The following RTF2 variants were observed in gnomAD, a reference collection of about 807,000 sequenced individuals.
The protein encoded by RTF2 is replication termination factor 2.
In RTF2, 18 loss-of-function variants were observed where a neutral mutation model predicts 38.0. That is an observed-to-expected ratio of 0.47 (90% CI 0.33 to 0.70). RTF2 has a LOEUF of 0.70. Ranked by LOEUF, RTF2 falls within the 30% of genes least tolerant of loss-of-function variation. The pLI is 0.02. For synonymous variants in RTF2, 126 were observed against 137.1 expected (o/e 0.92, Z 0.57); for missense variants, 311 against 379.6 (o/e 0.82, Z 1.50).
chr20:56,500,907 C>T (rs1244911942), intron 5 of RTF2, among the ~76,000 whole-genome samples: 1 of 152,108 alleles, frequency 6.6e-6, no homozygotes, highest in African/African-American at 2.4e-5. Context: ...TCAGCCTCCC[C>T]AGCAGCTGGG....
At chr20:56,488,177 A>G (rs1982892267) in intron 5 of RTF2, among the ~76,000 whole-genome samples, 1 of 152,180 alleles carries the variant, frequency 6.6e-6, no homozygotes, top group Admixed American at 6.5e-5. Flanking sequence ...CCTGGCCAAC[A>G]TAATGAAACC....
intron 5 of RTF2, chr20:56,491,578 G>A: frequency 6.5e-7 from 1 of 1,549,914 alleles, no homozygotes; most frequent in Non-Finnish European, 8.7e-7. Flanking sequence ...GTCTCATATT[G>A]AAATGACTCT....
chr20:56,500,140 C>T (rs1235060276), intron 5 of RTF2, among the ~76,000 whole-genome samples: 1 of 151,300 alleles, frequency 6.6e-6, no homozygotes, highest in Non-Finnish European at 1.5e-5. Flanking sequence ...CTGCAACCTC[C>T]ACCTCCTGGG....
At chr20:56,483,070 G>A (rs777863830) in intron 4 of RTF2, among the ~76,000 whole-genome samples, 3 of 152,100 alleles carry the variant, frequency 2.0e-5, no homozygotes, top group Non-Finnish European at 4.4e-5. Flanking sequence ...ATAGCCGTTT[G>A]GGTGTTTATA....
In RTF2 at chr20:56,517,000, T is replaced by C; in HGVS notation, c.646+11T>C. 1 of 1,613,492 alleles carries C rather than the reference T, an allele frequency of 6.2e-7. No individual in the cohort carries two copies. Among genetic ancestry groups the C allele is most frequent in the Non-Finnish European group, 8.5e-7 (1 of 1,179,360 alleles). ...CAGATGTCAGTGAAGGTAAGATCCT[T>C]CAAGAGATCCTTATTTTAGCAAAAT... On this transcript the variant is annotated intron_variant, in intron 7 of 8. Transcript: ENST00000357348.
chr20:56,496,848 T>C, intron 5 of RTF2: 1 of 1,551,836 alleles, frequency 6.4e-7, no homozygotes, highest in South Asian at 1.2e-5. Context: ...GATACTTCCT[T>C]TAGGAACGAA....
chr20:56,486,534 G>T lies in RTF2; in HGVS notation c.477+2345G>T, dbSNP rs570612931. 2.6e-5 allele frequency among the ~76,000 whole-genome samples: 4 copies of T among 152,134 alleles called. No individual in the cohort carries two copies. The South Asian group carries it at 8.3e-4, about 32-fold the overall frequency. ...TGTGGTGGCACGCGCCTGTAATCCTGGCTGCTCGGGAGGCTGAGGCAGGAG... is the reference window on the plus strand; with the variant it reads ...TGTGGTGGCACGCGCCTGTAATCCTTGCTGCTCGGGAGGCTGAGGCAGGAG... On this transcript the variant is annotated intron_variant, in intron 5 of 8. Transcript: ENST00000357348.
intron 5 of RTF2, among the ~76,000 whole-genome samples, chr20:56,507,190 G>A (rs1319012171): frequency 6.6e-6 from 1 of 152,154 alleles, no homozygotes; most frequent in East Asian, 1.9e-4. Flanking sequence ...TACTAAAGAG[G>A]TGGGGAGCAG....
intron 4 of RTF2, among the ~76,000 whole-genome samples, chr20:56,481,168 A>G (rs1393657321): frequency 1.3e-5 from 2 of 152,186 alleles, no homozygotes; most frequent in African/African-American, 2.4e-5. Flanking sequence ...GAAAGGTAGC[A>G]TTTTTTATTA....
intron 4 of RTF2, among the ~76,000 whole-genome samples, chr20:56,478,087 G>T (rs1982348508): frequency 6.6e-6 from 1 of 152,150 alleles, no homozygotes; most frequent in African/African-American, 2.4e-5. Flanking sequence ...CTTTTGAGAA[G>T]TACAGTCATA....
intron 5 of RTF2, among the ~76,000 whole-genome samples, chr20:56,510,562 T>G (rs772711897): frequency 9.9e-5 from 15 of 152,254 alleles, no homozygotes; most frequent in Non-Finnish European, 2.1e-4. Context: ...TTTTTTATTT[T>G]TAAAAACTTG....
At chr20:56,471,333 C>A (rs755535683) in intron 1 of RTF2, among the ~76,000 whole-genome samples, 1 of 152,124 alleles carries the variant, frequency 6.6e-6, no homozygotes, top group Non-Finnish European at 1.5e-5. Flanking sequence ...CTTTGGGAGG[C>A]TGAAGCAGGC....
At chr20:56,516,130 A>G (rs1200825212) in intron 6 of RTF2, 1 of 152,256 alleles carries the variant, frequency 6.6e-6, no homozygotes, top group Non-Finnish European at 1.5e-5. Context: ...TGTATATGTT[A>G]GAAATTCAAG....
At chr20:56,473,809 G>A (rs564802970) in intron 2 of RTF2, among the ~76,000 whole-genome samples, 37 of 152,204 alleles carry the variant, frequency 2.4e-4, no homozygotes, top group South Asian at 2.1e-4. Flanking sequence ...GATCCTGTGA[G>A]TCTGGGAGGT....
Position 56,518,385 on chromosome 20 carries a change from T to G in RTF2, c.*120T>G, listed in dbSNP as rs543178075. On this transcript the variant is annotated 3_prime_UTR_variant, in exon 9 of 9. Transcript: ENST00000357348. ...TCTATAGTTCTGTGTCATAAAGCTG[T>G]CCTGGCCAGCCTTCAAGCTGGTGTG... 552 of 1,055,170 alleles carry G rather than the reference T, an allele frequency of 5.2e-4. 6 individuals carry two copies. The East Asian group carries it at 0.013, about 24-fold the overall frequency. The allele number at this position is 1,055,170 out of a possible 1,614,324, so 65.4% of individuals were successfully genotyped here. A position where few individuals can be genotyped will look rare whatever the true frequency, so the allele number is the denominator to read the frequency against.
At chr20:56,483,269 T>A (rs1329935937) in intron 4 of RTF2, among the ~76,000 whole-genome samples, 1 of 152,192 alleles carries the variant, frequency 6.6e-6, no homozygotes, top group Non-Finnish European at 1.5e-5. Flanking sequence ...TCCTAAAGTA[T>A]TGTACTGTGT....
intron 5 of RTF2, among the ~76,000 whole-genome samples, chr20:56,509,926 G>A (rs766441791): frequency 6.6e-6 from 1 of 151,870 alleles, no homozygotes; most frequent in Non-Finnish European, 1.5e-5. Flanking sequence ...AAGAAGAAAT[G>A]TAGTTCTGAT....
At chr20:56,492,271 T>C (rs1568699735) in intron 5 of RTF2, among the ~76,000 whole-genome samples, 2 of 151,596 alleles carry the variant, frequency 1.3e-5, no homozygotes, top group Admixed American at 6.6e-5. Flanking sequence ...AGAAACGGGA[T>C]TTCGCCATGT....
intron 6 of RTF2, 105 bp downstream of exon 6, chr20:56,513,533 G>A (rs1038885751): frequency 1.4e-6 from 2 of 1,427,428 alleles, no homozygotes; most frequent in Non-Finnish European, 1.9e-6. Context: ...CATGATCAAG[G>A]CGATTTTTAT....
Sources: gnomAD v4.1 joint callset for allele counts (sites outside exome capture counted in the v4.1 genomes callset) on GRCh38, gnomAD v4.1.1 for gene constraint, MANE v1.5 for transcripts, NCBI Gene and HGNC (gene_info 2026-07-23, HGNC 2026-07-21) for gene names.